HIRA: variants seen among roughly 807,000 people sequenced by gnomAD.
The protein encoded by HIRA is protein HIRA.
HIRA carries 13 observed loss-of-function variants against 126.6 expected under a neutral mutation model. The observed-to-expected ratio is 0.10, with a 90% CI of 0.07 to 0.16. HIRA has a LOEUF of 0.16. Among genes scored for constraint, HIRA ranks in the 10% least tolerant of loss-of-function variants. HIRA has a pLI of 1.00. For synonymous variants in HIRA, 511 were observed against 520.0 expected, an observed-to-expected ratio of 0.98 and a Z score of 0.24; for missense variants, 834 against 1,314.4, an observed-to-expected ratio of 0.63 and a Z score of 5.65.
rs568800408 is a variant in HIRA at position 19,356,092 on chromosome 22, C to T, written c.2455+138G>A. On this transcript the variant is annotated intron_variant, in intron 20 of 24. Coordinates refer to ENST00000263208, the MANE Select transcript of HIRA (RefSeq NM_003325.4). ...GCCCCCAAAAAGTGTGTGTCTCCTG[C>T]AGCGTAACCACACCTCCTGCCTCAC... The T allele has an allele frequency of 1.1e-4, 85 of 809,312 alleles. 1 individual carries two copies. The highest frequency in any genetic ancestry group is 1.5e-4 in the Non-Finnish European group (72 of 484,402). The allele number at this position is 809,312 out of a possible 1,614,324, so 50.1% of individuals were successfully genotyped here.
Position 19,356,204 on chromosome 22 carries a change from T to C in HIRA, c.2455+26A>G, listed in dbSNP as rs1338499244. 3.1e-6 allele frequency: 5 copies of C among 1,607,050 alleles called. No individual in the cohort carries two copies. In the South Asian group the frequency reaches 3.3e-5, roughly 11 times the overall value. On this transcript the variant is annotated intron_variant, in intron 20 of 24. Transcript: ENST00000263208. ...ACATGAACTTGGGCCCCCAAAAGAG[T>C]AGGGACAGCCTGTTGCCTGCATTAC... is the stretch of plus-strand genomic sequence containing the variant.
At chr22:19,377,202 G>A (rs989996202) in intron 14 of HIRA, among the ~76,000 whole-genome samples, 10 of 152,164 alleles carry the variant, frequency 6.6e-5, no homozygotes, top group African/African-American at 2.4e-4. Context: ...GACCTGAGGG[G>A]CCACCTGCAA....
intron 24 of HIRA, among the ~76,000 whole-genome samples, chr22:19,334,577 A>C (rs2088541588): frequency 1.3e-5 from 2 of 151,352 alleles, no homozygotes; most frequent in Admixed American, 1.3e-4. Context: ...ACTTGAGGTC[A>C]GGAGTTCGAG....
rs1601837560 is a variant in HIRA at position 19,388,507 on chromosome 22, G to T, written c.984C>A (p.Asp328Glu). ...RPLVVIHELF[D>E]KSIMDISWTL... is the part of the protein sequence containing the mutation. ...ACCAGGAAATATCCATGATGGATTT[G>T]TCAAACAGTTCATGGATGACCACCA... is the stretch of plus-strand genomic sequence containing the variant. The change falls in exon 10 of 25, where the codon GAC (aspartate) becomes GAA (glutamate). Residue 328 changes from aspartate to glutamate, a missense_variant. Asp to Glu is a conservative substitution (Grantham distance 45). This residue lies in a region of HIRA where 153 missense variants were observed against 270.6 expected (regional missense o/e 0.57). Transcript: ENST00000263208. 2 of 1,613,260 alleles carry T rather than the reference G, an allele frequency of 1.2e-6. No homozygotes were observed. Among genetic ancestry groups the T allele is most frequent in the Admixed American group, 1.7e-5 (1 of 60,028 alleles).
chr22:19,368,888 A>G lies in HIRA; in HGVS notation c.1775+6743T>C, dbSNP rs891738075. Among the ~76,000 whole-genome samples, 11 of 152,236 alleles carry G rather than the reference A, an allele frequency of 7.2e-5. No individual in the cohort carries two copies. In the South Asian group the frequency reaches 2.3e-3, roughly 32 times the overall value. The stretch of plus-strand genomic sequence containing the variant: ...CCACCCTCTCTGGTTGGGACCCCTG[A>G]GAGCCCTTAGGAGTCTCCCCACCTC... On this transcript the variant is annotated intron_variant, in intron 15 of 24. Coordinates refer to ENST00000263208, the MANE Select transcript of HIRA (RefSeq NM_003325.4).
intron 1 of HIRA, among the ~76,000 whole-genome samples, chr22:19,420,540 A>C (rs1007613328): frequency 6.6e-6 from 1 of 151,884 alleles, no homozygotes; most frequent in Non-Finnish European, 1.5e-5. Context: ...AAAAGTTTTG[A>C]CGAAAGGCAT....
intron 6 of HIRA, among the ~76,000 whole-genome samples, chr22:19,397,156 C>T (rs532407355): frequency 7.2e-5 from 11 of 152,296 alleles, no homozygotes; most frequent in African/African-American, 2.4e-4. Context: ...GAGGCAGGCA[C>T]CAAGGGGCTA....
Position 19,355,984 on chromosome 22 carries a change from C to T in HIRA, c.2456-119G>A, listed in dbSNP as rs1313834287. The T allele has an allele frequency of 3.1e-5, 24 of 768,164 alleles. No individual in the cohort carries two copies. The African/African-American group carries it at 3.6e-4, about 12-fold the overall frequency. The allele number at this position is 768,164 out of a possible 1,614,324, so 47.6% of individuals were successfully genotyped here. A position where few individuals can be genotyped will look rare whatever the true frequency, so the allele number is the denominator to read the frequency against. On this transcript the variant is annotated intron_variant, in intron 20 of 24. Transcript: ENST00000263208. ...AGTCCCAGCAGCAAATGCATCAACA[C>T]TGCCTTGGCAAATAGGGAGGGCAAG... is the stretch of plus-strand genomic sequence containing the variant.
rs1265630093 is a variant in HIRA, at chr22:19,357,203, T to G, written c.2235-152A>C. The G allele has an allele frequency of 5.9e-6, 5 of 843,504 alleles. No homozygotes were observed. The African/African-American group carries it at 8.5e-5, about 14-fold the overall frequency. 52.3% of individuals were successfully genotyped at this position (843,504 alleles called of 1,614,324 possible). ...GAAGGGAAGGTGGATTGGGTCAGGGTAGGGCTGGTGGGGCTGTTGGAGCCT... is the reference window on the plus strand; with the variant it reads ...GAAGGGAAGGTGGATTGGGTCAGGGGAGGGCTGGTGGGGCTGTTGGAGCCT... On this transcript the variant is annotated intron_variant, in intron 18 of 24. Coordinates refer to ENST00000263208, the MANE Select transcript of HIRA (RefSeq NM_003325.4).
Position 19,394,513 on chromosome 22 carries a change from A to C in HIRA, c.655-4T>G. On this transcript the variant is annotated splice_polypyrimidine_tract_variant and splice_region_variant and intron_variant, in intron 7 of 24. Transcript: ENST00000263208. ...ACACATGGGTCGTTCCTCCACACTG[A>C]AAGAAGCATCTGCACTTGAAAGGAG... The C allele has an allele frequency of 6.2e-7, 1 of 1,613,416 alleles. No homozygotes were observed. Among genetic ancestry groups the C allele is most frequent in the East Asian group, 2.2e-5 (1 of 44,852 alleles).
chr22:19,339,722 A>G (rs560831361), intron 24 of HIRA, among the ~76,000 whole-genome samples: 99 of 152,324 alleles, frequency 6.5e-4, no homozygotes, highest in South Asian at 1.2e-3. Flanking sequence ...AGAAAAGATC[A>G]TTCAAGACTA....
chr22:19,380,256 A>G (rs2089060580), intron 13 of HIRA, among the ~76,000 whole-genome samples: 1 of 152,232 alleles, frequency 6.6e-6, no homozygotes, highest in Non-Finnish European at 1.5e-5. Flanking sequence ...TTAAATAACA[A>G]TTTAAAAAGA....
chr22:19,397,355 C>T (rs968516633), intron 6 of HIRA, among the ~76,000 whole-genome samples: 3 of 152,118 alleles, frequency 2.0e-5, no homozygotes, highest in Admixed American at 6.6e-5. Flanking sequence ...GTGTGTACGA[C>T]GGTACCCCAT....
chr22:19,417,554 G>A (rs865992734), intron 1 of HIRA, among the ~76,000 whole-genome samples: 3 of 151,738 alleles, frequency 2.0e-5, no homozygotes, highest in African/African-American at 2.4e-5. Flanking sequence ...CCTGGGAGGC[G>A]GAGGTTGCAG....
intron 24 of HIRA, among the ~76,000 whole-genome samples, chr22:19,334,120 G>A (rs758698214): frequency 9.2e-5 from 14 of 151,684 alleles, no homozygotes; most frequent in African/African-American, 2.2e-4. Context: ...GACTACAGGC[G>A]CCGGCCAGCA....
chr22:19,414,782 G>A (rs1569312126), intron 1 of HIRA, among the ~76,000 whole-genome samples: 1 of 152,172 alleles, frequency 6.6e-6, no homozygotes, highest in African/African-American at 2.4e-5. Flanking sequence ...AGCACTTTGG[G>A]AAGCCAAGGC....
chr22:19,413,234 C>T (rs531509814), intron 1 of HIRA, among the ~76,000 whole-genome samples: 1 of 152,190 alleles, frequency 6.6e-6, no homozygotes, highest in East Asian at 1.9e-4. Flanking sequence ...CACATTCTGG[C>T]TCCACAATAG....
chr22:19,423,206 G>A (rs1199894749), intron 1 of HIRA, among the ~76,000 whole-genome samples: 1 of 152,042 alleles, frequency 6.6e-6, no homozygotes, highest in African/African-American at 2.4e-5. Context: ...ACTTAAACCC[G>A]TCTATCCCCC....
chr22:19,383,522 A>G, intron 13 of HIRA, 98 bp downstream of exon 13: 1 of 972,472 alleles, frequency 1.0e-6, no homozygotes, highest in Non-Finnish European at 1.6e-6. Flanking sequence ...TCAGGTTGTG[A>G]AGGACCCGTG....
Sources: gnomAD v4.1 joint callset for allele counts (sites outside exome capture counted in the v4.1 genomes callset) on GRCh38, gnomAD v4.1.1 for gene constraint, gnomAD v4.1.1 regional missense constraint, MANE v1.5 for transcripts, NCBI Gene and HGNC (gene_info 2026-07-23, HGNC 2026-07-21) for gene names.